The following SAMD12 variants were observed in gnomAD, a reference collection of about 807,000 sequenced individuals.
SAMD12 encodes the protein sterile alpha motif domain-containing protein 12.
SAMD12 carries 9 observed loss-of-function variants against 15.0 expected under a neutral mutation model. The ratio of observed to expected loss-of-function variants is 0.60; its 90% CI spans 0.36 to 1.05. SAMD12 has a LOEUF of 1.05. Ranked by LOEUF, SAMD12 falls within the 50% of genes least tolerant of loss-of-function variation. The pLI is 0.01. For synonymous variants in SAMD12, 86 were observed against 90.1 expected (o/e 0.96, Z 0.25); for missense variants, 230 against 234.2 (o/e 0.98, Z 0.12).
At chr8:118,191,233 T>C (rs190311429) in exon 5 of SAMD12, 20 of 152,286 alleles carry the variant, frequency 1.3e-4, no homozygotes, top group Admixed American at 3.3e-4. Context: ...TGAGCTTCTT[T>C]TACTAGTTAA....
At chr8:118,366,845 A>C (rs1586609691) in intron 4 of SAMD12, among the ~76,000 whole-genome samples, 1 of 119,944 alleles carries the variant, frequency 8.3e-6, no homozygotes, top group East Asian at 2.3e-4. Context: ...ATAAAATAAA[A>C]TAAAATAAAA....
intron 3 of SAMD12, among the ~76,000 whole-genome samples, chr8:118,399,448 G>C (rs1215368491): frequency 2.0e-5 from 3 of 152,108 alleles, no homozygotes; most frequent in Non-Finnish European, 4.4e-5. Flanking sequence ...GATCTAAGAA[G>C]AGCCACCTTG....
At chr8:118,176,320 T>C in the SAMD12 span, among the ~76,000 whole-genome samples, 4 of 151,870 alleles carry the variant, frequency 2.6e-5, no homozygotes, top group Middle Eastern at 3.2e-3. Context: ...AAAAAGAATA[T>C]GAAAAAGAAT....
chr8:118,422,207 C>T (rs533397704), intron 3 of SAMD12, among the ~76,000 whole-genome samples: 1 of 152,268 alleles, frequency 6.6e-6, no homozygotes, highest in South Asian at 2.1e-4. Context: ...CTACTTTATG[C>T]CAGGCACTGG....
At chr8:118,560,325 C>A (rs184157272) in intron 2 of SAMD12, among the ~76,000 whole-genome samples, 228 of 152,252 alleles carry the variant, frequency 1.5e-3, no homozygotes, top group African/African-American at 5.3e-3. Flanking sequence ...TAGTGAGATG[C>A]ATTTATATAG....
intron 2 of SAMD12, among the ~76,000 whole-genome samples, chr8:118,440,697 A>AC (rs1563861873): frequency 2.5e-3 from 130 of 52,408 alleles, no homozygotes; most frequent in African/African-American, 7.3e-3. Context: ...CACACACACA[A>AC]ACACACACAC....
chr8:118,166,526 G>A, the SAMD12 span, among the ~76,000 whole-genome samples: 1 of 152,062 alleles, frequency 6.6e-6, no homozygotes, highest in Non-Finnish European at 1.5e-5. Flanking sequence ...AAAAATTAAT[G>A]CTTTGTACTT....
the SAMD12 span, among the ~76,000 whole-genome samples, chr8:118,152,178 G>C: frequency 6.6e-6 from 1 of 152,112 alleles, no homozygotes; most frequent in Non-Finnish European, 1.5e-5. Context: ...ATGAGTTTGG[G>C]TTGTTTACTC....
chr8:118,600,722 T>C (rs75817829), intron 1 of SAMD12, among the ~76,000 whole-genome samples: 4,366 of 152,310 alleles, frequency 0.029, 226 homozygotes, highest in African/African-American at 0.097. Flanking sequence ...TGAAGGACTA[T>C]TTCCCATCTC....
rs374330174 is a variant in SAMD12 at position 118,548,980 on chromosome 8, C to T, written c.192+31735G>A. 5.4e-3 allele frequency among the ~76,000 whole-genome samples: 818 copies of T among 152,358 alleles called. 9 individuals carry two copies. The highest frequency in any genetic ancestry group is 0.03 in the East Asian group (157 of 5,176). On this transcript the variant is annotated intron_variant, in intron 2 of 3. Coordinates refer to ENST00000314727, the MANE Select transcript of SAMD12 (RefSeq NM_207506.3). ...GGCGGCAGCCAGGCTGGGGGAGGGG[C>T]GCCCGCCATTGCGCAGGCTTGCTTA...
chr8:118,520,532 T>C (rs1244681674), intron 2 of SAMD12, among the ~76,000 whole-genome samples: 1 of 152,152 alleles, frequency 6.6e-6, no homozygotes, highest in Non-Finnish European at 1.5e-5. Context: ...TGCTGATACA[T>C]TTCACCCAAG....
chr8:118,218,696 AGT>A (rs1812018299), intron 4 of SAMD12, among the ~76,000 whole-genome samples: 1 of 152,182 alleles, frequency 6.6e-6, no homozygotes, highest in Admixed American at 6.5e-5. Flanking sequence ...TGCAAATGAC[AGT>A]GTCTCCTTTT....
At chr8:118,415,002 C>T (rs1294070124) in intron 3 of SAMD12, among the ~76,000 whole-genome samples, 1 of 152,006 alleles carries the variant, frequency 6.6e-6, no homozygotes, top group Non-Finnish European at 1.5e-5. Context: ...ACCTCCTCCT[C>T]GTGACAATTA....
chr8:118,165,627 T>TACACACATATATAC, the SAMD12 span, among the ~76,000 whole-genome samples: 9 of 138,116 alleles, frequency 6.5e-5, no homozygotes, highest in East Asian at 2.0e-4. Flanking sequence ...TATATATATA[T>TACACACATATATAC]ATATATATAC....
intron 2 of SAMD12, among the ~76,000 whole-genome samples, chr8:118,505,275 A>G (rs1201116079): frequency 6.6e-6 from 1 of 151,380 alleles, no homozygotes; most frequent in Non-Finnish European, 1.5e-5. Context: ...TTCAGACTTA[A>G]CTCACATTGG....
the SAMD12 span, among the ~76,000 whole-genome samples, chr8:118,163,765 C>G: frequency 6.6e-6 from 1 of 152,164 alleles, no homozygotes; most frequent in African/African-American, 2.4e-5. Context: ...GTCCCAGCTA[C>G]TCAGGAGGCT....
chr8:118,588,193 G>A (rs1255331653), intron 1 of SAMD12, among the ~76,000 whole-genome samples: 1 of 152,136 alleles, frequency 6.6e-6, no homozygotes, highest in Non-Finnish European at 1.5e-5. Flanking sequence ...ATCAATGAAT[G>A]GGGATGGGAA....
chr8:118,179,439 G>GAAA, the SAMD12 span, among the ~76,000 whole-genome samples: 5 of 92,302 alleles, frequency 5.4e-5, no homozygotes, highest in Non-Finnish European at 4.5e-5. Context: ...CTCCGTCTCC[G>GAAA]AAAAAAAAAA....
chr8:118,142,411 C>T, the SAMD12 span, among the ~76,000 whole-genome samples: 1 of 152,172 alleles, frequency 6.6e-6, no homozygotes, highest in African/African-American at 2.4e-5. Flanking sequence ...TTCTTCAAAC[C>T]CTAACTCAGG....
Sources: gnomAD v4.1 joint callset for allele counts (sites outside exome capture counted in the v4.1 genomes callset) on GRCh38, gnomAD v4.1.1 for gene constraint, MANE v1.5 for transcripts, NCBI Gene and HGNC (gene_info 2026-07-23, HGNC 2026-07-21) for gene names.